Variants in ANKS1B observed in about 807,000 individuals in gnomAD.
The protein encoded by ANKS1B is ankyrin repeat and sterile alpha motif domain containing 1B, also known as ankyrin repeat and sterile alpha motif domain-containing protein 1B.
ANKS1B carries 36 observed loss-of-function variants against 148.3 expected under a neutral mutation model. That is an observed-to-expected ratio of 0.24 (90% confidence interval 0.19 to 0.32). ANKS1B has a LOEUF of 0.32. Among genes scored for constraint, ANKS1B ranks in the 10% least tolerant of loss-of-function variants. The pLI is 1.00. For synonymous variants in ANKS1B, 542 were observed against 560.8 expected (o/e 0.97, Z 0.47); for missense variants, 1,157 against 1,542.6 (o/e 0.75, Z 4.19).
In ANKS1B at chr12:99,168,526, A is replaced by G. The variant is rs184635742; in HGVS notation, c.2420-14131T>C. 7.4e-4 allele frequency among the ~76,000 whole-genome samples: 113 copies of G among 152,208 alleles called. 3 individuals carry two copies. In the East Asian group the frequency reaches 0.021, roughly 28 times the overall value. On this transcript the variant is annotated intron_variant, in intron 14 of 26. Transcript: ENST00000683438. ...AAGAGCAAAACTCCATCTCAAAAAAAAAAAAAAGGAAGTTAAAAAAATAAA... is the reference window on the plus strand; with the variant it reads ...AAGAGCAAAACTCCATCTCAAAAAAGAAAAAAAGGAAGTTAAAAAAATAAA...
intron 9 of ANKS1B, among the ~76,000 whole-genome samples, chr12:99,548,913 C>T (rs867500749): frequency 2.2e-4 from 33 of 151,918 alleles, no homozygotes; most frequent in African/African-American, 7.2e-4. Context: ...ACAAGATTGC[C>T]TACCCAGAAT....
chr12:98,843,567 AAC>A (rs2099422370), intron 17 of ANKS1B, among the ~76,000 whole-genome samples: 1 of 152,212 alleles, frequency 6.6e-6, no homozygotes, highest in Admixed American at 6.5e-5. Context: ...AGCAACACAA[AAC>A]AGACTAGGAC....
intron 1 of ANKS1B, among the ~76,000 whole-genome samples, chr12:99,941,507 A>G (rs149761780): frequency 2.3e-3 from 343 of 152,300 alleles, no homozygotes; most frequent in African/African-American, 7.5e-3. Flanking sequence ...GATAAAATCA[A>G]TAGAACAATC....
Position 98,745,570 on chromosome 12 carries a change from G to C in ANKS1B, c.*169C>G, listed in dbSNP as rs1307329385. On this transcript the variant is annotated 3_prime_UTR_variant, in exon 27 of 27. Transcript: ENST00000683438. ...GAAAGTCTTGCGTTTTCCATCACTG[G>C]TGCAGAAAGAACTTCCCCAGGAATG... 2.2e-6 allele frequency: 3 copies of C among 1,389,780 alleles called. No individual in the cohort carries two copies. In the African/African-American group the frequency reaches 4.5e-5, roughly 21 times the overall value. 86.1% of individuals were successfully genotyped at this position (1,389,780 alleles called of 1,614,324 possible).
intron 1 of ANKS1B, among the ~76,000 whole-genome samples, chr12:99,942,496 A>C (rs2094944324): frequency 6.6e-6 from 1 of 152,116 alleles, no homozygotes. Context: ...AAAATGATGG[A>C]ACAATAGCTT....
intron 8 of ANKS1B, among the ~76,000 whole-genome samples, chr12:99,668,974 T>C (rs12231921): frequency 0.14 from 21,799 of 152,142 alleles, 2,232 homozygotes; most frequent in East Asian, 0.46. Flanking sequence ...CATCTCTAGA[T>C]GTTTCCTTTG....
chr12:98,762,545 C>T (rs1232216695), intron 25 of ANKS1B, among the ~76,000 whole-genome samples: 1 of 152,184 alleles, frequency 6.6e-6, no homozygotes, highest in African/African-American at 2.4e-5. Flanking sequence ...TCCAAATGGC[C>T]AAGCATTTCA....
At chr12:99,619,628 G>GTTCTGTGCT (rs2098020149) in intron 9 of ANKS1B, among the ~76,000 whole-genome samples, 1 of 151,518 alleles carries the variant, frequency 6.6e-6, no homozygotes. Flanking sequence ...AGACTGACAT[G>GTTCTGTGCT]TTCTGTGCTT....
intron 14 of ANKS1B, among the ~76,000 whole-genome samples, chr12:99,233,174 A>G (rs2087186882): frequency 6.6e-6 from 1 of 152,174 alleles, no homozygotes; most frequent in South Asian, 2.1e-4. Context: ...ATGTTTCATT[A>G]TATATATGCA....
exon 10 of ANKS1B, chr12:98,735,348 GA>G (rs1333476528): frequency 2.4e-6 from 1 of 420,114 alleles, no homozygotes; most frequent in Non-Finnish European, 4.2e-6. Context: ...TAGCTTATAT[GA>G]TTTTTTTGCC....
Position 99,246,445 on chromosome 12 carries a change from A to G in ANKS1B, c.2176T>C (p.Leu726=), listed in dbSNP as rs1182840404. ...LGRIRSLPKA[L]IDMHLSKSVS... is the part of the protein sequence containing the mutation. ...CTTTTTGACAAATGCATGTCGATCAAGGCTTTAGGCAATGACCTTATTCTC... is the reference window on the plus strand; with the variant it reads ...CTTTTTGACAAATGCATGTCGATCAGGGCTTTAGGCAATGACCTTATTCTC... Residue 726 remains leucine (L), a synonymous_variant, in exon 13 of 27, where the codon TTG becomes CTG. Coordinates refer to ENST00000683438, the MANE Select transcript of ANKS1B (RefSeq NM_001352186.2). The G allele has an allele frequency of 2.5e-6, 4 of 1,613,746 alleles. No individual in the cohort carries two copies. The African/African-American group carries it at 4.0e-5, about 16-fold the overall frequency.
chr12:99,490,995 A>T (rs1053119562), intron 10 of ANKS1B, among the ~76,000 whole-genome samples: 3 of 152,248 alleles, frequency 2.0e-5, no homozygotes, highest in Non-Finnish European at 4.4e-5. Flanking sequence ...GCTGCTAAAT[A>T]GAGCAAAGTT....
At chr12:99,136,071 CAG>C (rs746928211) in intron 15 of ANKS1B, among the ~76,000 whole-genome samples, 1 of 152,084 alleles carries the variant, frequency 6.6e-6, no homozygotes, top group African/African-American at 2.4e-5. Flanking sequence ...GAAAAGTAAT[CAG>C]AGATGACAGG....
intron 8 of ANKS1B, among the ~76,000 whole-genome samples, chr12:99,736,409 C>T (rs530621176): frequency 4.0e-5 from 6 of 151,604 alleles, no homozygotes; most frequent in East Asian, 1.9e-4. Flanking sequence ...AGTTGCAGGA[C>T]GCAAAATCAG....
At chr12:99,275,854 T>C (rs2077606816) in intron 12 of ANKS1B, among the ~76,000 whole-genome samples, 1 of 152,222 alleles carries the variant, frequency 6.6e-6, no homozygotes, top group Non-Finnish European at 1.5e-5. Flanking sequence ...ATACAATCTG[T>C]CACAGTCTGT....
chr12:98,878,733 G>A lies in ANKS1B; in HGVS notation c.2779-46597C>T, dbSNP rs113056727. ...GGGAAACCACATTGATTAAACTGAC[G>A]GGAGGCATGAAAATGACATAATTGA... is the stretch of plus-strand genomic sequence containing the variant. On this transcript the variant is annotated intron_variant, in intron 17 of 26. Transcript: ENST00000683438. 2.8e-3 allele frequency among the ~76,000 whole-genome samples: 432 copies of A among 152,178 alleles called. 3 individuals are homozygous for A. The highest frequency in any genetic ancestry group is 0.022 in the South Asian group (104 of 4,810).
chr12:99,762,919 G>C (rs2062281406), intron 8 of ANKS1B, among the ~76,000 whole-genome samples: 1 of 152,016 alleles, frequency 6.6e-6, no homozygotes, highest in African/African-American at 2.4e-5. Flanking sequence ...AATCATTAGA[G>C]AAGTGCAAAT....
intron 17 of ANKS1B, among the ~76,000 whole-genome samples, chr12:98,905,938 A>AATT (rs2099778416): frequency 6.8e-6 from 1 of 146,140 alleles, no homozygotes; most frequent in South Asian, 2.2e-4. Context: ...GTGCTGTGAA[A>AATT]ATTCACTCAA....
intron 10 of ANKS1B, among the ~76,000 whole-genome samples, chr12:99,470,539 T>A (rs990577472): frequency 6.6e-6 from 1 of 152,154 alleles, no homozygotes; most frequent in Non-Finnish European, 1.5e-5. Context: ...AAACTCCTAC[T>A]TAGGAAAGCT....
Sources: allele counts gnomAD v4.1 joint callset (sites outside exome capture counted in the v4.1 genomes callset), GRCh38; gene constraint gnomAD v4.1.1; transcripts MANE v1.5; gene names NCBI Gene and HGNC (gene_info 2026-07-23, HGNC 2026-07-21).